The following CROCC2 variants were observed in gnomAD, a reference collection of about 807,000 sequenced individuals.
The protein encoded by CROCC2 is ciliary rootlet coiled-coil, rootletin family member 2, also known as ciliary rootlet coiled-coil protein 2.
Under a neutral mutation model 177.6 loss-of-function variants are expected in CROCC2, and 163 were observed. The observed-to-expected ratio is 0.92, with a 90% CI of 0.81 to 1.05. The LOEUF (loss-of-function observed/expected upper bound fraction) is 1.05, where lower values mean the gene tolerates loss of function less well. CROCC2 is among the 50% of genes least tolerant of loss of function. The pLI, the probability that CROCC2 is intolerant of heterozygous loss-of-function variation, is 0.00. For synonymous variants in CROCC2, 904 were observed against 787.3 expected, an observed-to-expected ratio of 1.15 and a Z score of -2.48; for missense variants, 1,929 against 1,797.8, an observed-to-expected ratio of 1.07 and a Z score of -1.32.
Position 240,943,620 on chromosome 2 carries a change from T to C in CROCC2, c.2170-2440T>C, listed in dbSNP as rs2059506105. The stretch of plus-strand genomic sequence containing the variant: ...CTCCTGCCTCAGCCTCCTGAGTAGC[T>C]GGGATTACAGGCATATGCCCGGCTA... On this transcript the variant is annotated intron_variant, in intron 14 of 31. Transcript: ENST00000690015. Among the ~76,000 whole-genome samples the C allele has an allele frequency of 2.6e-5, 4 of 152,080 alleles. No homozygotes were observed. In the South Asian group the frequency reaches 8.3e-4, roughly 32 times the overall value.
intron 28 of CROCC2, among the ~76,000 whole-genome samples, chr2:240,987,192 G>A (rs550279618): frequency 2.0e-5 from 3 of 152,264 alleles, no homozygotes; most frequent in East Asian, 1.9e-4. Context: ...CCCTGGTTGC[G>A]ACAGCACTGC....
chr2:240,920,128 C>A lies in CROCC2; in HGVS notation c.375C>A (p.Ser125Arg), dbSNP rs1026125604. Residue 125 changes from serine to arginine, a missense_variant, in exon 3 of 32, where the codon AGC becomes AGA. Physicochemically the swap from Ser to Arg is moderately radical, Grantham distance 110. Coordinates refer to ENST00000690015, the MANE Select transcript of CROCC2 (RefSeq NM_001351305.2). ...TGGCCAGCAGGTGCCGTGTGGTCAG[C>A]GAGCAGGTGCGTGTGTGCAGCAGAC... ...DELASRCRVVSEQLQARLETT... is the reference protein window; with the variant it reads ...DELASRCRVVREQLQARLETT... The A allele has an allele frequency of 4.4e-6, 3 of 684,622 alleles. No homozygotes were observed. The highest frequency in any genetic ancestry group is 8.1e-6 in the Non-Finnish European group (3 of 368,794). 42.4% of individuals were successfully genotyped at this position (684,622 alleles called of 1,614,324 possible).
intron 4 of CROCC2, 64 bp from the exon 5 acceptor site, chr2:240,925,660 C>A: frequency 1.6e-6 from 1 of 641,538 alleles, no homozygotes. Context: ...GACTTGGGGA[C>A]TCTGAGCGCC....
At chr2:240,934,580 C>T (rs2059455359) in intron 12 of CROCC2, 105 bp downstream of exon 12, 1 of 1,203,340 alleles carries the variant, frequency 8.3e-7, no homozygotes, top group Non-Finnish European at 1.2e-6. Flanking sequence ...TGCCGGGCCC[C>T]TCAGCCCATC....
In CROCC2 at chr2:240,930,182, T is replaced by C. The variant is rs1178675341; in HGVS notation, c.662T>C (p.Leu221Pro). The change falls in exon 6 of 32, where the codon CTG (leucine) becomes CCG (proline). Residue 221 changes from leucine to proline, a missense_variant. Leu to Pro is a moderately conservative substitution (Grantham distance 98, BLOSUM62 -3). This residue lies in a region of CROCC2 where 1,397 missense variants were observed against 1,239.9 expected (regional missense o/e 1.13). Transcript: ENST00000690015. ...TGCTTTCAGACCCGGTCAGGGGGCC[T>C]GGGGCAGCCCCGGGACCTCCTCCTC... is the stretch of plus-strand genomic sequence containing the variant. ...WAQRQTRSGG[L>P]GQPRDLLLLW... 4 of 564,588 alleles carry C rather than the reference T, an allele frequency of 7.1e-6. No homozygotes were observed. Among genetic ancestry groups the C allele is most frequent in the African/African-American group, 3.8e-5 (2 of 52,180 alleles). The allele number at this position is 564,588 out of a possible 1,614,324, so 35.0% of individuals were successfully genotyped here. A position where few individuals can be genotyped will look rare whatever the true frequency, so the allele number is the denominator to read the frequency against.
intron 28 of CROCC2, among the ~76,000 whole-genome samples, chr2:240,987,842 G>T (rs2059850807): frequency 6.6e-6 from 1 of 152,234 alleles, no homozygotes; most frequent in Non-Finnish European, 1.5e-5. Context: ...GGGAGAGCAG[G>T]GCCTGGGTTC....
intron 1 of CROCC2, among the ~76,000 whole-genome samples, chr2:240,916,470 C>T (rs1380747991): frequency 9.5e-5 from 7 of 73,796 alleles, no homozygotes; most frequent in Non-Finnish European, 1.4e-4. Context: ...GCGCTCCCCC[C>T]GTGCCCCCGC....
chr2:240,990,560 A>T (rs1194908097), intron 30 of CROCC2, among the ~76,000 whole-genome samples: 1 of 151,468 alleles, frequency 6.6e-6, no homozygotes, highest in African/African-American at 2.4e-5. Context: ...TTATTTCCTT[A>T]TCATTCTGAG....
In CROCC2 at chr2:240,940,525, T is replaced by C. The variant is rs373452913; in HGVS notation, c.2169+4937T>C. Among the ~76,000 whole-genome samples the C allele has an allele frequency of 7.6e-4, 116 of 152,304 alleles. 2 individuals are homozygous for C. Among genetic ancestry groups the C allele is most frequent in the African/African-American group, 2.7e-3 (111 of 41,572 alleles). Reference sequence around the variant, plus strand: ...GATCAAGTGGGTTTCATACCAGGGATGCAGGGATGGTTTAACATACATAAG... The same window carrying C: ...GATCAAGTGGGTTTCATACCAGGGACGCAGGGATGGTTTAACATACATAAG... On this transcript the variant is annotated intron_variant, in intron 14 of 31. Transcript: ENST00000690015.
At position 240,917,904 on chromosome 2, in the gene CROCC2, C is replaced by G. The variant is rs1288210462; in HGVS notation, c.79-822C>G. ...TTTCACCTGGCAGGAGTCCCCTGCC[C>G]TGGGGTCCCGGCCCTCCCCAAGCTG... On this transcript the variant is annotated intron_variant, in intron 1 of 31. Transcript: ENST00000690015. This position sits in a 1 kb window ranked among gnomAD's most constrained non-coding sequence, Gnocchi z 4.9. Among the ~76,000 whole-genome samples the G allele has an allele frequency of 1.3e-5, 2 of 152,180 alleles. No individual in the cohort carries two copies. The highest frequency in any genetic ancestry group is 2.9e-5 in the Non-Finnish European group (2 of 67,996).
chr2:240,967,588 G>A (rs2059691749), intron 26 of CROCC2, 123 bp downstream of exon 26: 1 of 1,487,838 alleles, frequency 6.7e-7, no homozygotes, highest in Non-Finnish European at 9.0e-7. Flanking sequence ...AAGGGAGCCT[G>A]GGGGCAACAC....
chr2:240,965,308 C>T (rs1193186697), intron 22 of CROCC2, 73 bp from the exon 23 acceptor site: 2 of 1,528,308 alleles, frequency 1.3e-6, no homozygotes, highest in African/African-American at 2.8e-5. Flanking sequence ...TGAGCGGAGG[C>T]AGGAGGCAGG....
chr2:240,932,979 G>T (rs912399886), intron 9 of CROCC2, 71 bp downstream of exon 9: 21 of 1,520,698 alleles, frequency 1.4e-5, no homozygotes, highest in Non-Finnish European at 1.9e-5. Context: ...AGGCTGAAGG[G>T]TAGTTATGGG....
chr2:240,970,457 C>T (rs532357957), intron 27 of CROCC2, among the ~76,000 whole-genome samples: 5 of 152,330 alleles, frequency 3.3e-5, no homozygotes, highest in African/African-American at 9.6e-5. Flanking sequence ...TTCTCCTTTC[C>T]GTGTGTCTTT....
chr2:240,958,920 G>A lies in CROCC2; in HGVS notation c.2944-381G>A, dbSNP rs1353239683. 4.6e-5 allele frequency among the ~76,000 whole-genome samples: 7 copies of A among 152,180 alleles called. No homozygotes were observed. The highest frequency in any genetic ancestry group is 2.6e-4 in the Admixed American group (4 of 15,284). On this transcript the variant is annotated intron_variant, in intron 19 of 31. Transcript: ENST00000690015. This position sits in a 1 kb window ranked among gnomAD's most constrained non-coding sequence, Gnocchi z 6.7. ...GCCCCAAGGCCCGAGAGGACACCTC[G>A]GGTGGTGTGTGCGACAGGGAGCCGA...
chr2:240,962,781 G>C (rs2059652066), intron 20 of CROCC2, among the ~76,000 whole-genome samples: 1 of 152,240 alleles, frequency 6.6e-6, no homozygotes, highest in Non-Finnish European at 1.5e-5. Flanking sequence ...CTGGGAGGCA[G>C]GAGACTGGGC....
Position 240,918,373 on chromosome 2 carries a change from A to T in CROCC2, c.79-353A>T, listed in dbSNP as rs1401166209. ...GGATGTTGGGTTTCTTGTGGAGCAG[A>T]GGCAAAGGAACCTGCCTGTCAGCAT... On this transcript the variant is annotated intron_variant, in intron 1 of 31. Coordinates refer to ENST00000690015, the MANE Select transcript of CROCC2 (RefSeq NM_001351305.2). The surrounding 1 kb of genome is among the most constrained non-coding windows in gnomAD (Gnocchi z 6.3). Among the ~76,000 whole-genome samples, 1 of 152,110 alleles carries T rather than the reference A, an allele frequency of 6.6e-6. No individual in the cohort carries two copies. The highest frequency in any genetic ancestry group is 1.9e-4 in the East Asian group (1 of 5,186).
At chr2:240,990,772 C>T (rs1328657860) in intron 30 of CROCC2, among the ~76,000 whole-genome samples, 1 of 152,088 alleles carries the variant, frequency 6.6e-6, no homozygotes, top group Non-Finnish European at 1.5e-5. Context: ...TTAGTAGAGA[C>T]GGGGTTTCAC....
chr2:240,936,161 C>A (rs887445804), intron 14 of CROCC2, among the ~76,000 whole-genome samples: 7 of 152,226 alleles, frequency 4.6e-5, no homozygotes, highest in African/African-American at 1.4e-4. Flanking sequence ...TTTTCAGATT[C>A]TGCCTTGTCC....
Sources: gnomAD v4.1 joint callset for allele counts (sites outside exome capture counted in the v4.1 genomes callset) on GRCh38, gnomAD v4.1.1 for gene constraint, gnomAD v4.1.1 regional missense constraint, Gnocchi (gnomAD v3.1) non-coding constraint, MANE v1.5 for transcripts, NCBI Gene and HGNC (gene_info 2026-07-23, HGNC 2026-07-21) for gene names.